Variants in MANEA observed in about 807,000 individuals in gnomAD.
MANEA encodes glycoprotein endo-alpha-1,2-mannosidase.
Under a neutral mutation model 36.8 loss-of-function variants are expected in MANEA, and 25 were observed. That is an observed-to-expected ratio of 0.68 (90% CI 0.50 to 0.95). MANEA has a LOEUF of 0.95. Ranked by LOEUF, MANEA falls within the 40% of genes least tolerant of loss-of-function variation. MANEA has a pLI of 0.00. For synonymous variants in MANEA, 198 were observed against 188.5 expected, an observed-to-expected ratio of 1.05 and a Z score of -0.41; for missense variants, 565 against 558.8, an observed-to-expected ratio of 1.01 and a Z score of -0.11.
At chr6:95,583,233 T>G (rs4368819) in intron 1 of MANEA, among the ~76,000 whole-genome samples, 126,884 of 151,870 alleles carry the variant, frequency 0.84, 53,446 homozygotes, top group African/African-American at 0.93. Flanking sequence ...CAGGGATGGG[T>G]AAGAGTTAGG....
chr6:95,586,766 T>TG lies in MANEA; in HGVS notation c.327_328insG (p.Trp110ValfsTer8). 6.2e-7 allele frequency: 1 copy of TG among 1,613,640 alleles called. No individual in the cohort carries two copies. The highest frequency in any genetic ancestry group is 8.5e-7 in the Non-Finnish European group (1 of 1,179,572). ...ATTATCTACATGTATTTTATTACAG[T>TG]TGGTATGGAAATCCACAATTTGATG... On this transcript the variant is annotated frameshift_variant, in exon 2 of 5. Transcript: ENST00000358812. LOFTEE classifies it high-confidence loss of function.
rs1769293134 is a variant in MANEA, at chr6:95,586,865, G to A, written c.426G>A (p.Gly142=). 13 of 1,613,558 alleles carry A rather than the reference G, an allele frequency of 8.1e-6. No individual in the cohort carries two copies. Among genetic ancestry groups the A allele is most frequent in the Non-Finnish European group, 1.1e-5 (13 of 1,179,704 alleles). ...DPRIAKNYPQ[G]RHNPPDDIGS... ...GAATAGCCAAGAATTATCCACAAGG[G>A]AGACACAACCCTCCAGATGACATTG... The change falls in exon 2 of 5, where the codon GGG becomes GGA. Residue 142 remains glycine, a synonymous_variant. Transcript: ENST00000358812.
chr6:95,580,742 A>G (rs1359723301), intron 1 of MANEA, among the ~76,000 whole-genome samples: 2 of 150,688 alleles, frequency 1.3e-5, no homozygotes, highest in Non-Finnish European at 3.0e-5. Context: ...AAAAAAAAAA[A>G]GAAATGACAA....
intron 3 of MANEA, among the ~76,000 whole-genome samples, chr6:95,602,035 A>G (rs1051035035): frequency 6.6e-6 from 1 of 152,122 alleles, no homozygotes; most frequent in Non-Finnish European, 1.5e-5. Flanking sequence ...TATATTAGTC[A>G]TGGCCTCTCC....
chr6:95,590,358 G>A (rs1381131926), intron 2 of MANEA, among the ~76,000 whole-genome samples: 1 of 152,110 alleles, frequency 6.6e-6, no homozygotes, highest in East Asian at 1.9e-4. Flanking sequence ...CTAGATTCTA[G>A]GGACATAAAA....
chr6:95,583,331 A>G (rs929788083), intron 1 of MANEA, among the ~76,000 whole-genome samples: 1 of 152,014 alleles, frequency 6.6e-6, no homozygotes, highest in Non-Finnish European at 1.5e-5. Flanking sequence ...TTATGTATAT[A>G]TAATCATACA....
chr6:95,594,530 C>A (rs779638499), intron 2 of MANEA, among the ~76,000 whole-genome samples: 2 of 151,990 alleles, frequency 1.3e-5, no homozygotes, highest in Non-Finnish European at 2.9e-5. Flanking sequence ...AATGGCGATA[C>A]CTGAAGTTGT....
chr6:95,604,656 A>G (rs989034589), intron 3 of MANEA, among the ~76,000 whole-genome samples, 171 bp from the exon 4 acceptor site: 4 of 152,018 alleles, frequency 2.6e-5, no homozygotes, highest in African/African-American at 4.8e-5. Context: ...TTAGCATGTT[A>G]TTTAGCAGTA....
intron 2 of MANEA, among the ~76,000 whole-genome samples, chr6:95,595,421 T>C: frequency 6.6e-6 from 1 of 152,128 alleles, no homozygotes; most frequent in Admixed American, 6.5e-5. Flanking sequence ...CTATGTTTCG[T>C]TCTAGTTGCC....
At chr6:95,601,090 G>A (rs1769582026) in intron 3 of MANEA, among the ~76,000 whole-genome samples, 1 of 152,024 alleles carries the variant, frequency 6.6e-6, no homozygotes. Context: ...TTTAAATCTT[G>A]ATTTTTCAAA....
At chr6:95,595,862 T>A (rs1769471660) in intron 2 of MANEA, among the ~76,000 whole-genome samples, 1 of 147,360 alleles carries the variant, frequency 6.8e-6, no homozygotes, top group Non-Finnish European at 1.5e-5. Flanking sequence ...TGTTAGAATC[T>A]TCTGTTAAAA....
At chr6:95,585,165 T>C (rs1291140172) in intron 1 of MANEA, among the ~76,000 whole-genome samples, 1 of 151,802 alleles carries the variant, frequency 6.6e-6, no homozygotes, top group Non-Finnish European at 1.5e-5. Flanking sequence ...CACACAACAA[T>C]AATGTCTTTT....
At position 95,605,943 on chromosome 6, in the gene MANEA, G is replaced by A. The variant is rs1369586875; in HGVS notation, c.927G>A (p.Lys309=). 2 of 1,613,590 alleles carry A rather than the reference G, an allele frequency of 1.2e-6. No homozygotes were observed. The highest frequency in any genetic ancestry group is 1.7e-6 in the Non-Finnish European group (2 of 1,179,718). ...FIALLVEEKH[K]YDILQSGFDG... Reference sequence around the variant, plus strand: ...CCCTTCTGGTAGAAGAAAAACATAAGTATGATATTCTTCAAAGTGGTTTTG... The same window carrying A: ...CCCTTCTGGTAGAAGAAAAACATAAATATGATATTCTTCAAAGTGGTTTTG... Residue 309 remains lysine (K), a synonymous_variant, in exon 5 of 5, where the codon AAG becomes AAA. Transcript: ENST00000358812.
At chr6:95,579,550 A>C (rs1769142272) in intron 1 of MANEA, among the ~76,000 whole-genome samples, 2 of 152,346 alleles carry the variant, frequency 1.3e-5, no homozygotes, top group African/African-American at 4.8e-5. Context: ...GTGGCTTCAT[A>C]CAAAATAAAA....
chr6:95,590,611 T>C (rs1769369546), intron 2 of MANEA, among the ~76,000 whole-genome samples: 1 of 152,348 alleles, frequency 6.6e-6, no homozygotes, highest in African/African-American at 2.4e-5. Context: ...TGTCATAAAA[T>C]TTCCTTTTAT....
rs1043239905 is a variant in MANEA, at chr6:95,582,641, C to A, written c.-38-3761C>A. On this transcript the variant is annotated intron_variant, in intron 1 of 4. Coordinates refer to ENST00000358812, the MANE Select transcript of MANEA (RefSeq NM_024641.4). ...ACAGCTCACATTCTTCTATTTACTG[C>A]TGGGATAAATAGCACAAACAATTTC... is the stretch of plus-strand genomic sequence containing the variant. Among the ~76,000 whole-genome samples the A allele has an allele frequency of 5.1e-4, 78 of 152,178 alleles. 1 individual carries two copies. The highest frequency in any genetic ancestry group is 2.2e-4 in the Non-Finnish European group (15 of 68,030).
In MANEA at chr6:95,586,810, A is replaced by C; in HGVS notation, c.371A>C (p.Asn124Thr). ...TTTGATGGTAAATATATACATTGGA[A>C]TCATCCAGTGTTAGAGCATTGGGAC... ...PQFDGKYIHW[N>T]HPVLEHWDPR... The change falls in exon 2 of 5, where the codon AAT becomes ACT. Residue 124 changes from asparagine (N) to threonine (T), a missense_variant. By Grantham distance (65) the Asn-to-Thr change is moderately conservative. Coordinates refer to ENST00000358812, the MANE Select transcript of MANEA (RefSeq NM_024641.4). 6.2e-7 allele frequency: 1 copy of C among 1,613,472 alleles called. No homozygotes were observed. The highest frequency in any genetic ancestry group is 8.5e-7 in the Non-Finnish European group (1 of 1,179,420).
At chr6:95,587,040 A>G (rs1230887957) in intron 2 of MANEA, 57 bp downstream of exon 2, 1 of 1,011,262 alleles carries the variant, frequency 9.9e-7, no homozygotes, top group Admixed American at 2.0e-5. Context: ...CATATAAATG[A>G]TTTTTTGTGT....
intron 1 of MANEA, among the ~76,000 whole-genome samples, chr6:95,582,293 C>A (rs1282009736): frequency 1.3e-5 from 2 of 149,328 alleles, no homozygotes; most frequent in Non-Finnish European, 3.0e-5. Flanking sequence ...ACACCATTCT[C>A]CTGCCTCAGC....
Sources: gnomAD v4.1 joint callset for allele counts (sites outside exome capture counted in the v4.1 genomes callset) on GRCh38, gnomAD v4.1.1 for gene constraint, MANE v1.5 for transcripts, NCBI Gene and HGNC (gene_info 2026-07-23, HGNC 2026-07-21) for gene names.